ERBB4: variants seen among roughly 807,000 people sequenced by gnomAD.
The protein encoded by ERBB4 is receptor tyrosine-protein kinase erbB-4.
ERBB4 carries 42 observed loss-of-function variants against 158.0 expected under a neutral mutation model. The observed-to-expected ratio is 0.27, with a 90% CI of 0.21 to 0.34. The LOEUF is 0.34. Among genes scored for constraint, ERBB4 ranks in the 10% least tolerant of loss-of-function variants. The pLI, the probability that ERBB4 is intolerant of heterozygous loss-of-function variation, is 1.00. For synonymous variants in ERBB4, 583 were observed against 558.7 expected (o/e 1.04, Z -0.61); for missense variants, 1,333 against 1,624.1 (o/e 0.82, Z 3.08).
chr2:212,481,494 G>A (rs986307871), intron 1 of ERBB4, among the ~76,000 whole-genome samples: 2 of 152,110 alleles, frequency 1.3e-5, no homozygotes, highest in Non-Finnish European at 2.9e-5. Flanking sequence ...TAAAACAAAT[G>A]AGAAGCTCTA....
intron 25 of ERBB4, among the ~76,000 whole-genome samples, chr2:211,394,884 A>T (rs1275381998): frequency 6.6e-6 from 1 of 152,118 alleles, no homozygotes; most frequent in East Asian, 1.9e-4. Flanking sequence ...TGTATTCTTG[A>T]ATAGGTCTCA....
chr2:212,533,681 A>C (rs1272832188), intron 1 of ERBB4, among the ~76,000 whole-genome samples: 2 of 152,224 alleles, frequency 1.3e-5, no homozygotes, highest in Non-Finnish European at 2.9e-5. Context: ...TTTAACTCTG[A>C]CTGCCAATAT....
chr2:211,819,025 G>A (rs1247979708), intron 3 of ERBB4, among the ~76,000 whole-genome samples: 1 of 151,460 alleles, frequency 6.6e-6, no homozygotes, highest in Non-Finnish European at 1.5e-5. Flanking sequence ...GCATAATATT[G>A]GCTTATGGTA....
At chr2:211,633,771 C>T (rs2070240846) in intron 16 of ERBB4, among the ~76,000 whole-genome samples, 1 of 150,356 alleles carries the variant, frequency 6.7e-6, no homozygotes, top group Admixed American at 6.7e-5. Flanking sequence ...CCTCTATATT[C>T]CAGGCCAAAC....
At chr2:211,699,900 T>C (rs2073168684) in intron 12 of ERBB4, among the ~76,000 whole-genome samples, 1 of 152,186 alleles carries the variant, frequency 6.6e-6, no homozygotes, top group East Asian at 1.9e-4. Flanking sequence ...TTTTCCCATC[T>C]TGCTTCCCTA....
intron 20 of ERBB4, among the ~76,000 whole-genome samples, chr2:211,492,744 T>C (rs983353130): frequency 1.3e-5 from 2 of 152,102 alleles, no homozygotes; most frequent in African/African-American, 4.8e-5. Flanking sequence ...ACAACTGATA[T>C]AAGTAATAGC....
intron 3 of ERBB4, among the ~76,000 whole-genome samples, chr2:211,842,762 T>C (rs558312081): frequency 2.4e-4 from 36 of 152,272 alleles, no homozygotes; most frequent in Non-Finnish European, 3.8e-4. Context: ...TTAAAAGATA[T>C]TTAAACCAAA....
intron 3 of ERBB4, among the ~76,000 whole-genome samples, chr2:211,944,193 A>AATG (rs765902597): frequency 1.5e-5 from 1 of 64,574 alleles, no homozygotes; most frequent in Non-Finnish European, 3.0e-5. Flanking sequence ...ATATATATAT[A>AATG]TATATACTAT....
intron 1 of ERBB4, among the ~76,000 whole-genome samples, chr2:212,399,766 C>T (rs539945925): frequency 1.3e-5 from 2 of 150,336 alleles, no homozygotes; most frequent in African/African-American, 2.4e-5. Flanking sequence ...GTAGTCCCAG[C>T]TGCTCAGGAG....
At chr2:211,395,615 T>G (rs1247629846) in intron 25 of ERBB4, among the ~76,000 whole-genome samples, 1 of 11,022 alleles carries the variant, frequency 9.1e-5, no homozygotes, top group African/African-American at 1.1e-3. Context: ...ACTTTAATTT[T>G]AAGACAGATA....
intron 1 of ERBB4, chr2:212,429,029 T>C (rs1037426656): frequency 6.6e-6 from 1 of 152,042 alleles, no homozygotes; most frequent in Non-Finnish European, 1.5e-5. Context: ...ATTTTAAGAG[T>C]TTGAGCAATG....
chr2:211,965,072 T>C (rs1462731592), intron 2 of ERBB4, among the ~76,000 whole-genome samples: 1 of 152,192 alleles, frequency 6.6e-6, no homozygotes, highest in African/African-American at 2.4e-5. Context: ...CCTTTGTTGA[T>C]ACATGATTAC....
intron 20 of ERBB4, among the ~76,000 whole-genome samples, chr2:211,464,216 GTC>G (rs1247085023): frequency 6.6e-6 from 1 of 152,046 alleles, no homozygotes; most frequent in Non-Finnish European, 1.5e-5. Flanking sequence ...TTTGGTTTTT[GTC>G]TGTTTTGTTC....
chr2:212,253,549 C>T (rs1007004786), intron 1 of ERBB4, among the ~76,000 whole-genome samples: 1 of 152,010 alleles, frequency 6.6e-6, no homozygotes, highest in Non-Finnish European at 1.5e-5. Context: ...GTTCTGATTC[C>T]GTAGTCTGGA....
At chr2:212,295,783 G>T (rs2086388738) in intron 1 of ERBB4, among the ~76,000 whole-genome samples, 1 of 151,980 alleles carries the variant, frequency 6.6e-6, no homozygotes, top group Non-Finnish European at 1.5e-5. Flanking sequence ...TGTGACGTAG[G>T]CAAATGATAC....
chr2:211,376,604 C>G lies in ERBB4; in HGVS notation c.*7011G>C. The G allele has an allele frequency of 4.3e-6, 1 of 232,786 alleles. No homozygotes were observed. The allele number at this position is 232,786 out of a possible 1,614,324, so 14.4% of individuals were successfully genotyped here. A position where few individuals can be genotyped will look rare whatever the true frequency, so the allele number is the denominator to read the frequency against. On this transcript the variant is annotated 3_prime_UTR_variant, in exon 28 of 28. Coordinates refer to ENST00000342788, the MANE Select transcript of ERBB4 (RefSeq NM_005235.3). ...AGTTAAGAAAATAAGGAAGTGAGTA[C>G]AAATGTATACACCTTAAGCCTCTGC...
At chr2:212,214,920 A>G (rs1050385298) in intron 1 of ERBB4, among the ~76,000 whole-genome samples, 8 of 151,694 alleles carry the variant, frequency 5.3e-5, no homozygotes, top group African/African-American at 9.7e-5. Flanking sequence ...CGACACATCA[A>G]GGAAAATGAT....
intron 1 of ERBB4, among the ~76,000 whole-genome samples, chr2:212,208,558 G>A (rs1486521716): frequency 1.3e-5 from 2 of 152,096 alleles, no homozygotes; most frequent in Non-Finnish European, 2.9e-5. Context: ...TATGATGATA[G>A]GGAAGAAACT....
intron 1 of ERBB4, among the ~76,000 whole-genome samples, chr2:212,507,679 A>G (rs193232831): frequency 6.6e-6 from 1 of 152,314 alleles, no homozygotes; most frequent in East Asian, 1.9e-4. Flanking sequence ...ATGTGACTGA[A>G]TTGCTGCAAT....
Sources: allele counts gnomAD v4.1 joint callset (sites outside exome capture counted in the v4.1 genomes callset), GRCh38; gene constraint gnomAD v4.1.1; transcripts MANE v1.5; gene names NCBI Gene and HGNC (gene_info 2026-07-23, HGNC 2026-07-21).